Variants in MAMDC2 observed in about 807,000 individuals in gnomAD.
MAMDC2 encodes MAM domain-containing protein 2.
Under a neutral mutation model 89.8 loss-of-function variants are expected in MAMDC2, and 57 were observed. That is an observed-to-expected ratio of 0.63 (90% CI 0.51 to 0.79). The LOEUF is 0.79. MAMDC2 is among the 30% of genes least tolerant of loss of function. The pLI is 0.00. For missense variants in MAMDC2, 800 were observed against 820.6 expected (o/e 0.97, Z 0.31); for synonymous variants, 313 against 293.4 (o/e 1.07, Z -0.68).
At chr9:70,109,925 A>G in intron 4 of MAMDC2, 121 bp downstream of exon 4, 1 of 762,050 alleles carries the variant, frequency 1.3e-6, no homozygotes, top group Non-Finnish European at 2.3e-6. Context: ...TGCATAATGC[A>G]TACTGGTTTA....
At chr9:70,132,239 C>A (rs1587500288) in intron 7 of MAMDC2, among the ~76,000 whole-genome samples, 1 of 152,010 alleles carries the variant, frequency 6.6e-6, no homozygotes, top group African/African-American at 2.4e-5. Flanking sequence ...AATAGGTAAG[C>A]AAATTGATTC....
At chr9:70,183,434 G>A (rs2032685507) in intron 11 of MAMDC2, among the ~76,000 whole-genome samples, 1 of 151,912 alleles carries the variant, frequency 6.6e-6, no homozygotes, top group Non-Finnish European at 1.5e-5. Flanking sequence ...ATCTAATACT[G>A]ACAATGGGGT....
intron 2 of MAMDC2, among the ~76,000 whole-genome samples, chr9:70,073,308 T>C (rs916258490): frequency 3.3e-5 from 5 of 152,254 alleles, no homozygotes; most frequent in African/African-American, 1.2e-4. Context: ...TAATTTGTGG[T>C]ACTTGTACAT....
intron 5 of MAMDC2, among the ~76,000 whole-genome samples, chr9:70,125,306 T>C (rs1057092638): frequency 6.6e-6 from 1 of 152,234 alleles, no homozygotes; most frequent in African/African-American, 2.4e-5. Context: ...GTAATATTCA[T>C]TGCCTCTATG....
At chr9:70,185,502 A>AC (rs1478155344) in intron 11 of MAMDC2, among the ~76,000 whole-genome samples, 1 of 152,104 alleles carries the variant, frequency 6.6e-6, no homozygotes, top group Non-Finnish European at 1.5e-5. Context: ...ACCCACAGCT[A>AC]CCCCTTCCCC....
rs1828249090 is a variant in MAMDC2 at position 70,103,495 on chromosome 9, A to G, written c.149-4716A>G. Reference sequence around the variant, plus strand: ...AGAAAATTCAACGGGCAAAAATTAGATCAAAGATCTAAACGTAAAAGCTGA... The same window carrying G: ...AGAAAATTCAACGGGCAAAAATTAGGTCAAAGATCTAAACGTAAAAGCTGA... On this transcript the variant is annotated intron_variant, in intron 2 of 13. Coordinates refer to ENST00000377182, the MANE Select transcript of MAMDC2 (RefSeq NM_153267.5). Among the ~76,000 whole-genome samples the G allele has an allele frequency of 2.6e-5, 4 of 152,160 alleles. No homozygotes were observed. In the South Asian group the frequency reaches 8.3e-4, roughly 32 times the overall value.
At chr9:70,159,047 TACACACAC>T (rs755304556) in intron 9 of MAMDC2, among the ~76,000 whole-genome samples, 10 of 145,066 alleles carry the variant, frequency 6.9e-5, no homozygotes, top group South Asian at 2.2e-4. Flanking sequence ...GCATGCATAA[TACACACAC>T]ACACACACAC....
rs143860777 is a variant in MAMDC2 at position 70,149,634 on chromosome 9, G to C, written c.1404+5815G>C. Among the ~76,000 whole-genome samples the C allele has an allele frequency of 2.0e-3, 310 of 152,314 alleles. 1 individual carries two copies. Among genetic ancestry groups the C allele is most frequent in the Middle Eastern group, 6.8e-3 (2 of 294 alleles). ...CACTGGCTACACTTTCAGCAACTGG[G>C]AGAATAAGCCCTTCATTCCTGAAGG... is the stretch of plus-strand genomic sequence containing the variant. On this transcript the variant is annotated intron_variant, in intron 9 of 13. Coordinates refer to ENST00000377182, the MANE Select transcript of MAMDC2 (RefSeq NM_153267.5).
intron 5 of MAMDC2, among the ~76,000 whole-genome samples, chr9:70,120,296 G>C (rs1229146318): frequency 6.6e-6 from 1 of 152,080 alleles, no homozygotes; most frequent in Admixed American, 6.6e-5. Context: ...CCTTTTTCAA[G>C]AACTCTGATT....
chr9:70,178,299 A>G (rs1479770813), intron 11 of MAMDC2, among the ~76,000 whole-genome samples: 3 of 152,216 alleles, frequency 2.0e-5, no homozygotes, highest in African/African-American at 7.2e-5. Context: ...TTGCTACATC[A>G]TCCCATGGTG....
chr9:70,182,945 T>G (rs2118580437), intron 11 of MAMDC2, among the ~76,000 whole-genome samples: 1 of 152,332 alleles, frequency 6.6e-6, no homozygotes. Flanking sequence ...GATGTTAGGG[T>G]GTCGATTTTA....
chr9:70,182,485 T>C, intron 11 of MAMDC2, among the ~76,000 whole-genome samples: 1 of 152,216 alleles, frequency 6.6e-6, no homozygotes, highest in Non-Finnish European at 1.5e-5. Flanking sequence ...CATCTGGTCC[T>C]GGGCTTTTTT....
chr9:70,079,061 A>G (rs2118120363), intron 2 of MAMDC2, among the ~76,000 whole-genome samples: 1 of 152,256 alleles, frequency 6.6e-6, no homozygotes, highest in East Asian at 1.9e-4. Context: ...AGAGGGAGCC[A>G]TCTTCTGGAA....
intron 2 of MAMDC2, among the ~76,000 whole-genome samples, chr9:70,078,023 CCTACTTAT>C (rs773911166): frequency 0.34 from 52,207 of 151,772 alleles, 10,071 homozygotes; most frequent in African/African-American, 0.52. Flanking sequence ...CTCTACCATT[CCTACTTAT>C]AATTTTTATT....
intron 2 of MAMDC2, among the ~76,000 whole-genome samples, chr9:70,057,646 G>A (rs932932042): frequency 1.3e-5 from 2 of 152,262 alleles, no homozygotes; most frequent in Non-Finnish European, 2.9e-5. Context: ...CACAATATTA[G>A]CCTAGTAGTC....
intron 11 of MAMDC2, among the ~76,000 whole-genome samples, chr9:70,212,620 G>T (rs1431531991): frequency 6.6e-6 from 1 of 152,144 alleles, no homozygotes; most frequent in Non-Finnish European, 1.5e-5. Flanking sequence ...CACTCCGTGG[G>T]CTGCATCCGC....
chr9:70,074,183 G>T (rs1220612567), intron 2 of MAMDC2, among the ~76,000 whole-genome samples: 1 of 152,176 alleles, frequency 6.6e-6, no homozygotes, highest in East Asian at 1.9e-4. Context: ...TATCCTCATG[G>T]TCTCAGGCAG....
intron 2 of MAMDC2, among the ~76,000 whole-genome samples, chr9:70,064,060 T>C (rs546068860): frequency 6.6e-6 from 1 of 152,066 alleles, no homozygotes; most frequent in Non-Finnish European, 1.5e-5. Flanking sequence ...GAAGAATAAA[T>C]CAAATGTGAT....
At chr9:70,068,651 CG>C (rs1258234666) in intron 2 of MAMDC2, among the ~76,000 whole-genome samples, 14 of 138,522 alleles carry the variant, frequency 1.0e-4, no homozygotes, top group Non-Finnish European at 1.8e-4. Context: ...TGCTTGAACC[CG>C]GGAGGCAGAG....
Sources: gnomAD v4.1 joint callset for allele counts (sites outside exome capture counted in the v4.1 genomes callset) on GRCh38, gnomAD v4.1.1 for gene constraint, MANE v1.5 for transcripts, NCBI Gene and HGNC (gene_info 2026-07-23, HGNC 2026-07-21) for gene names.